The following MKNK1 variants were observed in gnomAD, a reference collection of about 807,000 sequenced individuals.
MKNK1 encodes MAPK interacting serine/threonine kinase 1.
In MKNK1, 30 loss-of-function variants were observed where a neutral mutation model predicts 49.3. The observed-to-expected ratio is 0.61, with a 90% confidence interval of 0.46 to 0.83. The LOEUF (loss-of-function observed/expected upper bound fraction) is 0.83. Among genes scored for constraint, MKNK1 ranks in the 40% least tolerant of loss-of-function variants. MKNK1 has a pLI of 0.00. For missense variants in MKNK1, 423 were observed against 524.7 expected, an observed-to-expected ratio of 0.81 and a Z score of 1.89; for synonymous variants, 176 against 201.7, an observed-to-expected ratio of 0.87 and a Z score of 1.08.
At chr1:46,594,703 A>G (rs1673820122) in intron 1 of MKNK1, among the ~76,000 whole-genome samples, 1 of 152,174 alleles carries the variant, frequency 6.6e-6, no homozygotes, top group South Asian at 2.1e-4. Context: ...GCAAAAGATA[A>G]AAGTTGACAG....
intron 3 of MKNK1, 148 bp downstream of exon 3, chr1:46,583,080 C>T (rs1337147491): frequency 2.8e-6 from 2 of 725,772 alleles, no homozygotes; most frequent in African/African-American, 3.5e-5. Flanking sequence ...TGTAAACTCC[C>T]TCATCCCCAT....
At chr1:46,579,780 A>G (rs887736880) in intron 4 of MKNK1, among the ~76,000 whole-genome samples, 2 of 152,206 alleles carry the variant, frequency 1.3e-5, no homozygotes, top group African/African-American at 4.8e-5. Context: ...GGGTGACATG[A>G]GCCACTCCAA....
intron 4 of MKNK1, among the ~76,000 whole-genome samples, chr1:46,577,412 C>T (rs549209777): frequency 1.3e-5 from 2 of 152,124 alleles, no homozygotes. Flanking sequence ...ACTGGGGAGG[C>T]GGAGGTTGCA....
intron 5 of MKNK1, 75 bp from the exon 6 acceptor site, chr1:46,575,095 AC>A: frequency 4.1e-6 from 4 of 980,004 alleles, no homozygotes; most frequent in Non-Finnish European, 6.1e-6. Context: ...TTACAAATAT[AC>A]AATGAAAAAA....
At chr1:46,584,655 A>G (rs141688572) in intron 2 of MKNK1, 2 of 152,310 alleles carry the variant, frequency 1.3e-5, no homozygotes, top group African/African-American at 2.4e-5. Context: ...ATGCAGGTCC[A>G]TACACTGTTC....
chr1:46,562,548 T>A (rs1439850304), intron 10 of MKNK1, 101 bp downstream of exon 10: 3 of 1,342,448 alleles, frequency 2.2e-6, no homozygotes, highest in East Asian at 2.7e-5. Context: ...TGAGCCCCCA[T>A]CCCGATCAGG....
chr1:46,601,807 G>C (rs968851323), intron 1 of MKNK1, among the ~76,000 whole-genome samples: 1 of 152,194 alleles, frequency 6.6e-6, no homozygotes, highest in African/African-American at 2.4e-5. Flanking sequence ...GGCCTACTAT[G>C]TGCTGGCCCT....
chr1:46,603,455 A>G (rs1306120104), intron 1 of MKNK1, among the ~76,000 whole-genome samples: 1 of 152,242 alleles, frequency 6.6e-6, no homozygotes, highest in East Asian at 1.9e-4. Flanking sequence ...CCATTACATG[A>G]CAGGCGCCAT....
intron 9 of MKNK1, among the ~76,000 whole-genome samples, chr1:46,564,023 C>A: frequency 1.7e-5 from 1 of 57,496 alleles, no homozygotes. Context: ...CCAGCCTGGG[C>A]AACAGAGCAA....
chr1:46,593,355 T>C (rs1207457955), intron 2 of MKNK1, among the ~76,000 whole-genome samples: 1 of 152,128 alleles, frequency 6.6e-6, no homozygotes, highest in Admixed American at 6.5e-5. Flanking sequence ...TGTACCACCA[T>C]GCTTGGCCAG....
chr1:46,599,555 A>G (rs1674480150), intron 1 of MKNK1, among the ~76,000 whole-genome samples: 1 of 152,188 alleles, frequency 6.6e-6, no homozygotes, highest in Non-Finnish European at 1.5e-5. Context: ...TAGGCCAGTG[A>G]TTCACCGTTT....
chr1:46,568,055 G>A (rs1258126204), intron 8 of MKNK1, among the ~76,000 whole-genome samples: 6 of 151,794 alleles, frequency 4.0e-5, no homozygotes, highest in Admixed American at 1.3e-4. Context: ...CTGGGAAGTC[G>A]AGGCTGCAGT....
chr1:46,599,569 C>T (rs1290377834), intron 1 of MKNK1, among the ~76,000 whole-genome samples: 2 of 152,192 alleles, frequency 1.3e-5, no homozygotes, highest in Non-Finnish European at 2.9e-5. Flanking sequence ...ACCGTTTAAG[C>T]CTCTTCACTG....
chr1:46,561,698 C>T, intron 10 of MKNK1, 56 bp from the exon 11 acceptor site: 1 of 1,583,944 alleles, frequency 6.3e-7, no homozygotes, highest in Non-Finnish European at 8.6e-7. Context: ...CAGGATGTGC[C>T]TGTCATTGTT....
chr1:46,598,775 G>A (rs533395817), intron 1 of MKNK1, among the ~76,000 whole-genome samples: 34 of 152,194 alleles, frequency 2.2e-4, no homozygotes, highest in Non-Finnish European at 4.6e-4. Flanking sequence ...TGACTCTAGA[G>A]TCCACATACC....
chr1:46,557,911 A>G lies in MKNK1; in HGVS notation c.*664T>C, dbSNP rs1267866555. The G allele has an allele frequency of 1.3e-5, 2 of 152,416 alleles. No individual in the cohort carries two copies. The highest frequency in any genetic ancestry group is 3.8e-4 in the East Asian group (2 of 5,204). The allele number at this position is 152,416 out of a possible 1,614,324, so 9.4% of individuals were successfully genotyped here. A position where few individuals can be genotyped will look rare whatever the true frequency, so the allele number is the denominator to read the frequency against. ...ACTTTTTTTTTAAAAAAACGATACT[A>G]CTGACTTTAGCAGCAATCACAAACA... On this transcript the variant is annotated 3_prime_UTR_variant, in exon 13 of 13. Coordinates refer to ENST00000371945, the MANE Select transcript of MKNK1 (RefSeq NM_001135553.4).
chr1:46,566,105 C>T (rs1051880159), intron 8 of MKNK1, among the ~76,000 whole-genome samples: 2 of 152,230 alleles, frequency 1.3e-5, no homozygotes, highest in Non-Finnish European at 2.9e-5. Context: ...TCACTCCAAA[C>T]AGAAACTCTA....
intron 2 of MKNK1, chr1:46,585,651 A>G (rs1394052727): frequency 2.8e-6 from 1 of 356,756 alleles, no homozygotes; most frequent in East Asian, 7.3e-5. Flanking sequence ...CAGCCAAAAG[A>G]CAGGCAGAGC....
chr1:46,571,751 AAAG>A (rs763320276), intron 7 of MKNK1, among the ~76,000 whole-genome samples: 24 of 152,154 alleles, frequency 1.6e-4, no homozygotes, highest in Non-Finnish European at 3.4e-4. Flanking sequence ...GAATCTAAGA[AAAG>A]AAACATCATC....
Sources: gnomAD v4.1 joint callset for allele counts (sites outside exome capture counted in the v4.1 genomes callset) on GRCh38, gnomAD v4.1.1 for gene constraint, MANE v1.5 for transcripts, NCBI Gene and HGNC (gene_info 2026-07-23, HGNC 2026-07-21) for gene names.